The following PAPSS1 variants were observed in gnomAD, a reference collection of about 807,000 sequenced individuals.
The protein encoded by PAPSS1 is bifunctional 3'-phosphoadenosine 5'-phosphosulfate synthase 1.
In PAPSS1, 50 loss-of-function variants were observed where a neutral mutation model predicts 72.0. The ratio of observed to expected loss-of-function variants is 0.69; its 90% confidence interval spans 0.55 to 0.88. PAPSS1 has a LOEUF of 0.88. Ranked by LOEUF, PAPSS1 falls within the 40% of genes least tolerant of loss-of-function variation. PAPSS1 has a pLI of 0.00. For synonymous variants in PAPSS1, 261 were observed against 263.6 expected (o/e 0.99, Z 0.09); for missense variants, 657 against 782.2 (o/e 0.84, Z 1.91).
At chr4:107,686,608 T>C (rs1382648224) in intron 4 of PAPSS1, among the ~76,000 whole-genome samples, 2 of 152,198 alleles carry the variant, frequency 1.3e-5, no homozygotes, top group East Asian at 3.8e-4. Context: ...TAAGGGACCA[T>C]TCCAAGGATC....
Position 107,698,593 on chromosome 4 carries a change from T to C in PAPSS1, c.175+2578A>G, listed in dbSNP as rs567701512. 3.3e-5 allele frequency among the ~76,000 whole-genome samples: 5 copies of C among 152,212 alleles called. No homozygotes were observed. In the East Asian group the frequency reaches 9.7e-4, roughly 29 times the overall value. ...GACAGGCAAATGAAGGGAGTAACTATTGACTGCAGCAGAGACTCACTGTGG... is the reference window on the plus strand; with the variant it reads ...GACAGGCAAATGAAGGGAGTAACTACTGACTGCAGCAGAGACTCACTGTGG... On this transcript the variant is annotated intron_variant, in intron 2 of 11. Transcript: ENST00000265174.
At chr4:107,622,578 C>G (rs1285355982) in intron 11 of PAPSS1, among the ~76,000 whole-genome samples, 1 of 152,146 alleles carries the variant, frequency 6.6e-6, no homozygotes, top group Non-Finnish European at 1.5e-5. Flanking sequence ...TCATCTGTTG[C>G]ATTACTGATT....
intron 10 of PAPSS1, among the ~76,000 whole-genome samples, chr4:107,637,942 T>C (rs1002475458): frequency 1.3e-5 from 2 of 152,146 alleles, no homozygotes; most frequent in African/African-American, 4.8e-5. Context: ...CATTAATATG[T>C]TTTCTTGAAA....
chr4:107,630,968 C>T (rs778267163), intron 11 of PAPSS1, among the ~76,000 whole-genome samples: 1 of 152,114 alleles, frequency 6.6e-6, no homozygotes, highest in Non-Finnish European at 1.5e-5. Flanking sequence ...ATCTCTGACA[C>T]CTTTGCTTTC....
chr4:107,637,509 T>C (rs1380884058), intron 10 of PAPSS1, among the ~76,000 whole-genome samples: 2 of 152,200 alleles, frequency 1.3e-5, no homozygotes, highest in African/African-American at 2.4e-5. Context: ...AATTTCACTG[T>C]TCCAGAAATC....
At chr4:107,631,603 A>C (rs1262281894) in intron 11 of PAPSS1, 28 bp downstream of exon 11, 2 of 1,513,250 alleles carry the variant, frequency 1.3e-6, no homozygotes, top group South Asian at 2.3e-5. Context: ...AGTACTTCAA[A>C]GATTTGTACA....
chr4:107,659,879 T>C (rs1727125729), intron 6 of PAPSS1, 80 bp downstream of exon 6: 1 of 743,058 alleles, frequency 1.3e-6, no homozygotes, highest in African/African-American at 1.8e-5. Flanking sequence ...TGGCCTCAAA[T>C]ACTGCTATAA....
chr4:107,681,838 G>A (rs376957076), intron 5 of PAPSS1, among the ~76,000 whole-genome samples, 177 bp downstream of exon 5: 3 of 152,096 alleles, frequency 2.0e-5, no homozygotes, highest in South Asian at 2.1e-4. Context: ...GTACATTCAC[G>A]GTGCTCCCCA....
intron 1 of PAPSS1, among the ~76,000 whole-genome samples, chr4:107,715,133 T>C (rs2125943838): frequency 6.6e-6 from 1 of 152,360 alleles, no homozygotes; most frequent in Middle Eastern, 3.4e-3. Flanking sequence ...CCAATTCCTG[T>C]GGCCACTAAC....
intron 5 of PAPSS1, among the ~76,000 whole-genome samples, chr4:107,665,751 A>G (rs978736705): frequency 1.3e-5 from 2 of 152,190 alleles, no homozygotes; most frequent in Non-Finnish European, 2.9e-5. Flanking sequence ...AACACGGGGT[A>G]CCCAGAACGT....
chr4:107,683,609 T>G (rs1350594876), intron 4 of PAPSS1, among the ~76,000 whole-genome samples: 3 of 152,156 alleles, frequency 2.0e-5, no homozygotes, highest in Non-Finnish European at 4.4e-5. Context: ...ACTAGATAAT[T>G]TATCCATAAG....
At chr4:107,630,707 G>A (rs1010139297) in intron 11 of PAPSS1, among the ~76,000 whole-genome samples, 2 of 152,096 alleles carry the variant, frequency 1.3e-5, no homozygotes, top group Non-Finnish European at 2.9e-5. Flanking sequence ...TGCTGTTAAT[G>A]ATTAAGACCA....
rs183375646 is a variant in PAPSS1 at position 107,685,905 on chromosome 4, G to A, written c.550+1134C>T. Among the ~76,000 whole-genome samples, 176 of 152,272 alleles carry A rather than the reference G, an allele frequency of 1.2e-3. 1 individual carries two copies. The highest frequency in any genetic ancestry group is 2.2e-3 in the Non-Finnish European group (147 of 68,024). On this transcript the variant is annotated intron_variant, in intron 4 of 11. Coordinates refer to ENST00000265174, the MANE Select transcript of PAPSS1 (RefSeq NM_005443.5). ...ACAGTCTCAGGTTATCACATTCCCT[G>A]CTGGGAAGGCAAACTTAAAAGTTAC...
intron 5 of PAPSS1, among the ~76,000 whole-genome samples, chr4:107,667,737 C>T (rs1022943562): frequency 1.3e-5 from 2 of 152,076 alleles, no homozygotes; most frequent in Admixed American, 1.3e-4. Context: ...TTTACCACTC[C>T]AATTCAGGTT....
chr4:107,712,425 T>G (rs1405558955), intron 1 of PAPSS1, among the ~76,000 whole-genome samples: 1 of 152,232 alleles, frequency 6.6e-6, no homozygotes, highest in East Asian at 1.9e-4. Context: ...GTTCAGAGAC[T>G]GGGCAGCCAA....
At chr4:107,644,474 T>C (rs1726639911) in intron 10 of PAPSS1, among the ~76,000 whole-genome samples, 1 of 152,160 alleles carries the variant, frequency 6.6e-6, no homozygotes, top group Non-Finnish European at 1.5e-5. Flanking sequence ...AGTGTTGTTG[T>C]TGTGTCTGCA....
chr4:107,715,398 A>C (rs991917121), intron 1 of PAPSS1, among the ~76,000 whole-genome samples: 1 of 152,138 alleles, frequency 6.6e-6, no homozygotes, highest in Non-Finnish European at 1.5e-5. Context: ...GGGGGAAATA[A>C]AAGACCAATG....
At chr4:107,665,188 T>C (rs1464790862) in intron 5 of PAPSS1, among the ~76,000 whole-genome samples, 11 of 152,222 alleles carry the variant, frequency 7.2e-5, no homozygotes, top group Admixed American at 7.2e-4. Flanking sequence ...ATTCTATGTG[T>C]AAAGACAAAA....
At chr4:107,644,074 C>T (rs1578393975) in intron 10 of PAPSS1, among the ~76,000 whole-genome samples, 1 of 152,090 alleles carries the variant, frequency 6.6e-6, no homozygotes, top group Admixed American at 6.5e-5. Context: ...CTGGACTCCT[C>T]GACAACCGTC....
Sources: allele counts gnomAD v4.1 joint callset (sites outside exome capture counted in the v4.1 genomes callset), GRCh38; gene constraint gnomAD v4.1.1; transcripts MANE v1.5; gene names NCBI Gene and HGNC (gene_info 2026-07-23, HGNC 2026-07-21).